The following TRERF1 variants were observed in gnomAD, a reference collection of about 807,000 sequenced individuals.
TRERF1 encodes the protein transcriptional regulating factor 1.
In TRERF1, 27 loss-of-function variants were observed where a neutral mutation model predicts 122.9. The ratio of observed to expected loss-of-function variants is 0.22; its 90% CI spans 0.16 to 0.30. The LOEUF (loss-of-function observed/expected upper bound fraction) is 0.30, where lower values mean the gene tolerates loss of function less well. Among genes scored for constraint, TRERF1 ranks in the 10% least tolerant of loss-of-function variants. TRERF1 has a pLI of 1.00. For synonymous variants in TRERF1, 636 were observed against 641.7 expected (o/e 0.99, Z 0.13); for missense variants, 1,248 against 1,560.3 (o/e 0.80, Z 3.37).
chr6:42,450,444 T>C (rs1488951609), intron 2 of TRERF1, among the ~76,000 whole-genome samples: 1 of 152,224 alleles, frequency 6.6e-6, no homozygotes, highest in Admixed American at 6.5e-5. Flanking sequence ...CCTTCAGTAC[T>C]GGCACTTGCC....
chr6:42,430,607 A>G (rs260250), intron 2 of TRERF1, among the ~76,000 whole-genome samples: 143,418 of 150,572 alleles, frequency 0.95, 68,536 homozygotes, highest in East Asian at 1. Context: ...AAAATTAGCC[A>G]GTCGTTGGCT....
chr6:42,362,611 G>A (rs567312020), intron 3 of TRERF1, among the ~76,000 whole-genome samples: 2 of 152,346 alleles, frequency 1.3e-5, no homozygotes, highest in African/African-American at 4.8e-5. Flanking sequence ...AGGCTCCTGA[G>A]TCCAGCAATC....
At chr6:42,437,498 T>C (rs750317643) in intron 2 of TRERF1, among the ~76,000 whole-genome samples, 11 of 152,248 alleles carry the variant, frequency 7.2e-5, no homozygotes, top group Non-Finnish European at 1.3e-4. Flanking sequence ...TTTCAGTCAG[T>C]AAAACAAAGG....
chr6:42,264,912 G>A, intron 6 of TRERF1, 58 bp from the exon 7 acceptor site: 1 of 1,587,604 alleles, frequency 6.3e-7, no homozygotes, highest in South Asian at 1.1e-5. Context: ...GGGAAACAGT[G>A]ACTTGCCACA....
intron 2 of TRERF1, among the ~76,000 whole-genome samples, chr6:42,411,026 G>C (rs988296937): frequency 3.9e-5 from 6 of 152,134 alleles, no homozygotes; most frequent in Non-Finnish European, 7.4e-5. Flanking sequence ...TGTGGGGAAG[G>C]GGACAGCCTA....
At chr6:42,408,347 G>GTT in intron 2 of TRERF1, among the ~76,000 whole-genome samples, 1 of 122,572 alleles carries the variant, frequency 8.2e-6, no homozygotes, top group African/African-American at 3.0e-5. Flanking sequence ...ATACACGTGT[G>GTT]TGTGTGTGTA....
intron 3 of TRERF1, among the ~76,000 whole-genome samples, chr6:42,356,076 TG>T (rs958107626): frequency 1.3e-5 from 2 of 152,290 alleles, no homozygotes; most frequent in African/African-American, 4.8e-5. Context: ...TCCAGCTCTG[TG>T]GTAAAGGTCT....
chr6:42,334,452 C>G (rs1224273351), intron 3 of TRERF1, among the ~76,000 whole-genome samples: 1 of 152,212 alleles, frequency 6.6e-6, no homozygotes, highest in African/African-American at 2.4e-5. Context: ...TTGATCAAAT[C>G]TCATTACAAG....
intron 2 of TRERF1, among the ~76,000 whole-genome samples, chr6:42,438,944 C>A (rs1785971882): frequency 6.6e-6 from 1 of 152,036 alleles, no homozygotes; most frequent in Non-Finnish European, 1.5e-5. Context: ...GGGCAGCCCA[C>A]CAACAGAGTG....
chr6:42,441,958 A>G (rs1786601641), intron 2 of TRERF1, among the ~76,000 whole-genome samples: 1 of 152,134 alleles, frequency 6.6e-6, no homozygotes, highest in South Asian at 2.1e-4. Flanking sequence ...TTAAGGAATG[A>G]GCGTTTGCGA....
At chr6:42,364,730 C>G (rs537385962) in intron 2 of TRERF1, among the ~76,000 whole-genome samples, 1 of 152,346 alleles carries the variant, frequency 6.6e-6, no homozygotes, top group East Asian at 1.9e-4. Flanking sequence ...CTGCTCTGGA[C>G]CAGGCATAAG....
chr6:42,236,176 A>G (rs762616851), intron 16 of TRERF1, 29 bp downstream of exon 16: 1 of 1,537,238 alleles, frequency 6.5e-7, no homozygotes, highest in Admixed American at 2.2e-5. Flanking sequence ...CACTTGTCCC[A>G]GATCCCCAGA....
chr6:42,272,012 C>T (rs778455286), intron 4 of TRERF1, among the ~76,000 whole-genome samples: 1 of 152,108 alleles, frequency 6.6e-6, no homozygotes, highest in Non-Finnish European at 1.5e-5. Context: ...TATTAAATTG[C>T]TATGGTGTTT....
chr6:42,303,244 A>T (rs1786534875), intron 3 of TRERF1, among the ~76,000 whole-genome samples: 1 of 152,200 alleles, frequency 6.6e-6, no homozygotes, highest in Non-Finnish European at 1.5e-5. Flanking sequence ...GCTTACAATC[A>T]AGTGCAAGAA....
intron 2 of TRERF1, among the ~76,000 whole-genome samples, chr6:42,439,401 A>T (rs1205419150): frequency 1.3e-5 from 2 of 152,038 alleles, no homozygotes; most frequent in Admixed American, 1.3e-4. Context: ...GGACACAATA[A>T]ATAAGACATG....
At chr6:42,390,116 GAA>G (rs1292056133) in intron 2 of TRERF1, among the ~76,000 whole-genome samples, 1 of 152,206 alleles carries the variant, frequency 6.6e-6, no homozygotes, top group East Asian at 1.9e-4. Flanking sequence ...AGCAGAGAAA[GAA>G]AAAGTGTCGG....
intron 4 of TRERF1, among the ~76,000 whole-genome samples, chr6:42,291,027 A>C (rs1235620579): frequency 6.6e-6 from 1 of 152,152 alleles, no homozygotes; most frequent in East Asian, 1.9e-4. Flanking sequence ...TCTAGAAAAT[A>C]TTTCATAATA....
chr6:42,431,201 T>C (rs993728332), intron 2 of TRERF1, among the ~76,000 whole-genome samples: 1 of 151,726 alleles, frequency 6.6e-6, no homozygotes, highest in East Asian at 1.9e-4. Flanking sequence ...ATGGAAAAAA[T>C]TTATTCAATA....
At chr6:42,246,818 T>C (rs527499127) in intron 13 of TRERF1, among the ~76,000 whole-genome samples, 35 of 152,330 alleles carry the variant, frequency 2.3e-4, no homozygotes, top group African/African-American at 7.9e-4. Flanking sequence ...CTCCACTGAT[T>C]AGGATTTTTG....
Sources: gnomAD v4.1 joint callset for allele counts (sites outside exome capture counted in the v4.1 genomes callset) on GRCh38, gnomAD v4.1.1 for gene constraint, MANE v1.5 for transcripts, NCBI Gene and HGNC (gene_info 2026-07-23, HGNC 2026-07-21) for gene names.